Variants in CCBE1 observed in about 807,000 individuals in gnomAD.
CCBE1 encodes the protein collagen and calcium binding EGF domains 1, also known as collagen and calcium-binding EGF domain-containing protein 1.
Under a neutral mutation model 50.0 loss-of-function variants are expected in CCBE1, and 37 were observed. The observed-to-expected ratio is 0.74, with a 90% CI of 0.57 to 0.97. The LOEUF (loss-of-function observed/expected upper bound fraction) is 0.97, where lower values mean the gene tolerates loss of function less well. Among genes scored for constraint, CCBE1 ranks in the 50% least tolerant of loss-of-function variants. The probability of loss-of-function intolerance (pLI) is 0.00; values close to 1 mark genes in which losing one functional copy is unlikely to be tolerated. For synonymous variants in CCBE1, 234 were observed against 203.7 expected, an observed-to-expected ratio of 1.15 and a Z score of -1.27; for missense variants, 538 against 523.8, an observed-to-expected ratio of 1.03 and a Z score of -0.26.
At chr18:59,463,069 A>T (rs1222460894) in intron 5 of CCBE1, among the ~76,000 whole-genome samples, 1 of 152,234 alleles carries the variant, frequency 6.6e-6, no homozygotes, top group Non-Finnish European at 1.5e-5. Context: ...CTTGAAAAAT[A>T]TTTAAGAAGT....
intron 2 of CCBE1, among the ~76,000 whole-genome samples, chr18:59,584,801 C>T (rs1040217068): frequency 3.9e-5 from 6 of 152,146 alleles, no homozygotes; most frequent in African/African-American, 1.4e-4. Flanking sequence ...GAACTGCAAG[C>T]CAATTAAACC....
chr18:59,583,680 TGCGCGCGCGCGCGCGCGCGC>T lies in CCBE1; in HGVS notation c.213-103462_213-103443del, dbSNP rs35460738. Among the ~76,000 whole-genome samples, 207 of 59,404 alleles carry T rather than the reference TGCGCGCGCGCGCGCGCGCGC, an allele frequency of 3.5e-3. 1 individual carries two copies. In the East Asian group the frequency reaches 0.084, roughly 24 times the overall value. 39.0% of individuals were successfully genotyped at this position (59,404 alleles called of 152,430 possible). A position where few individuals can be genotyped will look rare whatever the true frequency, so the allele number is the denominator to read the frequency against. ...GTGTGTGTGTGTGTGTGTGTGTGTG[TGCGCGCGCGCGCGCGCGCGC>T]GTGTGTGTGTATGTCTGCGACTACT... is the stretch of plus-strand genomic sequence containing the variant. On this transcript the variant is annotated intron_variant, in intron 2 of 10. Transcript: ENST00000439986.
intron 3 of CCBE1, among the ~76,000 whole-genome samples, chr18:59,470,677 A>G (rs1911990037): frequency 6.6e-6 from 1 of 152,144 alleles, no homozygotes; most frequent in African/African-American, 2.4e-5. Flanking sequence ...GAGCCTCTGA[A>G]GGGACTTTGG....
chr18:59,487,528 T>C (rs750569753), intron 2 of CCBE1, among the ~76,000 whole-genome samples: 6 of 152,156 alleles, frequency 3.9e-5, no homozygotes, highest in Non-Finnish European at 8.8e-5. Flanking sequence ...GTTCCAGCCT[T>C]TTAGCCAGAA....
At chr18:59,610,365 T>C (rs747975024) in intron 2 of CCBE1, among the ~76,000 whole-genome samples, 2 of 152,176 alleles carry the variant, frequency 1.3e-5, no homozygotes, top group Non-Finnish European at 2.9e-5. Context: ...GATTTTAATA[T>C]AAAGACCATT....
intron 2 of CCBE1, among the ~76,000 whole-genome samples, chr18:59,506,317 G>A (rs1211325380): frequency 6.6e-6 from 1 of 152,186 alleles, no homozygotes; most frequent in Non-Finnish European, 1.5e-5. Context: ...GGAGCCTCCA[G>A]AAGGAACCAA....
intron 2 of CCBE1, among the ~76,000 whole-genome samples, chr18:59,597,522 A>G (rs1220861537): frequency 1.3e-5 from 2 of 152,016 alleles, no homozygotes; most frequent in East Asian, 3.9e-4. Flanking sequence ...CCCAAGGCTC[A>G]TTGGGTTGAG....
intron 2 of CCBE1, among the ~76,000 whole-genome samples, chr18:59,610,297 G>A (rs80049975): frequency 0.013 from 1,961 of 152,266 alleles, 23 homozygotes; most frequent in Middle Eastern, 0.044. Context: ...TCATTTATGT[G>A]TCCTTATACT....
intron 2 of CCBE1, among the ~76,000 whole-genome samples, chr18:59,690,956 G>T (rs1368280637): frequency 1.3e-5 from 2 of 152,210 alleles, no homozygotes; most frequent in Non-Finnish European, 2.9e-5. Flanking sequence ...TCTAGCACCT[G>T]TTACACATTA....
At chr18:59,452,450 G>A (rs889691637) in intron 6 of CCBE1, among the ~76,000 whole-genome samples, 1 of 151,970 alleles carries the variant, frequency 6.6e-6, no homozygotes, top group South Asian at 2.1e-4. Flanking sequence ...AAAAATTAGC[G>A]TGGCATGGTG....
chr18:59,472,988 C>T (rs1480187144), intron 3 of CCBE1, among the ~76,000 whole-genome samples: 3 of 152,130 alleles, frequency 2.0e-5, no homozygotes, highest in Non-Finnish European at 4.4e-5. Flanking sequence ...GGGAAACTGC[C>T]CCCATGATTC....
At chr18:59,585,436 T>C (rs1345645446) in intron 2 of CCBE1, among the ~76,000 whole-genome samples, 1 of 152,100 alleles carries the variant, frequency 6.6e-6, no homozygotes, top group Non-Finnish European at 1.5e-5. Context: ...CCTGTTGGGC[T>C]ATCACTGAAT....
In CCBE1 at chr18:59,697,118, G is replaced by A. The variant is rs1034444759; in HGVS notation, c.131+94C>T. 20 of 1,506,708 alleles carry A rather than the reference G, an allele frequency of 1.3e-5. No individual in the cohort carries two copies. The African/African-American group carries it at 2.6e-4, about 20-fold the overall frequency. 93.3% of individuals were successfully genotyped at this position (1,506,708 alleles called of 1,614,324 possible). The stretch of plus-strand genomic sequence containing the variant: ...GAGAAGTGAGGGCGTGCGGATCGCT[G>A]TGGGAGTGGGCGCCGGGGAGGACCG... On this transcript the variant is annotated intron_variant, in intron 1 of 10. Transcript: ENST00000439986.
At chr18:59,655,836 C>T (rs1033920659) in intron 2 of CCBE1, among the ~76,000 whole-genome samples, 7 of 152,208 alleles carry the variant, frequency 4.6e-5, no homozygotes, top group African/African-American at 1.4e-4. Flanking sequence ...CTTTCACTCC[C>T]CCATCAGATG....
At chr18:59,652,481 C>CTTT (rs35752064) in intron 2 of CCBE1, among the ~76,000 whole-genome samples, 5 of 150,008 alleles carry the variant, frequency 3.3e-5, no homozygotes, top group African/African-American at 7.3e-5. Context: ...GACTCCCCCC[C>CTTT]TTTTTTTTTA....
intron 2 of CCBE1, among the ~76,000 whole-genome samples, chr18:59,550,617 G>A (rs1389777676): frequency 6.6e-6 from 1 of 152,168 alleles, no homozygotes; most frequent in African/African-American, 2.4e-5. Context: ...CCCAAACCGT[G>A]AGCCCTGTGA....
rs1417261586 is a variant in CCBE1, at chr18:59,658,260, C to T, written c.212+38369G>A. On this transcript the variant is annotated intron_variant, in intron 2 of 10. Coordinates refer to ENST00000439986, the MANE Select transcript of CCBE1 (RefSeq NM_133459.4). ...GGCTCACACTTTGGGGATGCCGAGG[C>T]AGGATCCCTTGAGGCCAGGAGTTTG... Among the ~76,000 whole-genome samples, 13 of 122,134 alleles carry T rather than the reference C, an allele frequency of 1.1e-4. No homozygotes were observed. The East Asian group carries it at 3.4e-3, about 32-fold the overall frequency. 80.1% of individuals were successfully genotyped at this position (122,134 alleles called of 152,430 possible).
chr18:59,511,308 G>A (rs1290281465), intron 2 of CCBE1, among the ~76,000 whole-genome samples: 1 of 152,208 alleles, frequency 6.6e-6, no homozygotes, highest in African/African-American at 2.4e-5. Flanking sequence ...CTAATTGATG[G>A]CATTTAATCA....
chr18:59,482,899 T>A (rs977038137), intron 2 of CCBE1, among the ~76,000 whole-genome samples: 1 of 151,642 alleles, frequency 6.6e-6, no homozygotes, highest in African/African-American at 2.4e-5. Flanking sequence ...TAAGAAGTAT[T>A]TTTTTTTGTA....
Sources: allele counts gnomAD v4.1 joint callset (sites outside exome capture counted in the v4.1 genomes callset), GRCh38; gene constraint gnomAD v4.1.1; transcripts MANE v1.5; gene names NCBI Gene and HGNC (gene_info 2026-07-23, HGNC 2026-07-21).